The following NKAIN2 variants were observed in gnomAD, a reference collection of about 807,000 sequenced individuals.
NKAIN2 encodes the protein sodium/potassium-transporting ATPase subunit beta-1-interacting protein 2.
In NKAIN2, 14 loss-of-function variants were observed where a neutral mutation model predicts 32.6. That is an observed-to-expected ratio of 0.43 (90% CI 0.28 to 0.67). The LOEUF is 0.67. Among genes scored for constraint, NKAIN2 ranks in the 30% least tolerant of loss-of-function variants. NKAIN2 has a pLI of 0.17. For synonymous variants in NKAIN2, 80 were observed against 87.2 expected (o/e 0.92, Z 0.46); for missense variants, 198 against 258.3 (o/e 0.77, Z 1.60).
chr6:124,493,543 A>G (rs1265565693), intron 3 of NKAIN2, among the ~76,000 whole-genome samples: 1 of 151,892 alleles, frequency 6.6e-6, no homozygotes, highest in East Asian at 1.9e-4. Context: ...CATTACATGA[A>G]CTAATTTCTA....
chr6:124,540,533 C>T (rs889405072), intron 3 of NKAIN2, among the ~76,000 whole-genome samples: 1 of 152,164 alleles, frequency 6.6e-6, no homozygotes, highest in African/African-American at 2.4e-5. Context: ...TGTGGTGAAA[C>T]AAACCTAGGT....
chr6:124,532,147 G>A (rs528551019), intron 3 of NKAIN2, among the ~76,000 whole-genome samples: 20 of 152,274 alleles, frequency 1.3e-4, no homozygotes, highest in Non-Finnish European at 1.9e-4. Flanking sequence ...TTTATTGCTG[G>A]AACAAGCCGT....
chr6:123,845,225 T>A lies in NKAIN2; in HGVS notation c.54+40971T>A, dbSNP rs140660305. 2.9e-3 allele frequency among the ~76,000 whole-genome samples: 447 copies of A among 152,350 alleles called. 2 individuals carry two copies. Among genetic ancestry groups the A allele is most frequent in the African/African-American group, 9.9e-3 (412 of 41,590 alleles). ...AGTACAAATACTATAAAATGTGATATCTTCTATGGCAAAGAACAGTTTAAT... is the reference window on the plus strand; with the variant it reads ...AGTACAAATACTATAAAATGTGATAACTTCTATGGCAAAGAACAGTTTAAT... On this transcript the variant is annotated intron_variant, in intron 1 of 6. Coordinates refer to ENST00000368417, the MANE Select transcript of NKAIN2 (RefSeq NM_001040214.3).
intron 1 of NKAIN2, among the ~76,000 whole-genome samples, chr6:124,250,890 T>C (rs1315334736): frequency 6.6e-6 from 1 of 151,992 alleles, no homozygotes; most frequent in African/African-American, 2.4e-5. Flanking sequence ...GAAGAGATGG[T>C]CAGAGGTGTT....
At chr6:124,280,881 A>G (rs57157510) in intron 1 of NKAIN2, among the ~76,000 whole-genome samples, 4,655 of 152,290 alleles carry the variant, frequency 0.031, 237 homozygotes, top group African/African-American at 0.11. Flanking sequence ...CAAAAAGGGG[A>G]AAAAGGCAGA....
chr6:124,221,412 G>A (rs1399175892), intron 1 of NKAIN2, among the ~76,000 whole-genome samples: 4 of 122,586 alleles, frequency 3.3e-5, no homozygotes, highest in Non-Finnish European at 5.1e-5. Context: ...GTTGTGGGGT[G>A]AGGGGAGGGG....
At chr6:124,779,730 T>C (rs1779173253) in intron 4 of NKAIN2, among the ~76,000 whole-genome samples, 1 of 152,168 alleles carries the variant, frequency 6.6e-6, no homozygotes, top group East Asian at 1.9e-4. Flanking sequence ...GTCCATTTAT[T>C]TGACTTCATC....
intron 3 of NKAIN2, among the ~76,000 whole-genome samples, chr6:124,541,078 A>C (rs1348894117): frequency 6.6e-6 from 1 of 152,176 alleles, no homozygotes; most frequent in Non-Finnish European, 1.5e-5. Flanking sequence ...TACTCAGTAA[A>C]TGTTACACAG....
At chr6:124,090,617 A>C (rs183791908) in intron 1 of NKAIN2, among the ~76,000 whole-genome samples, 81 of 152,160 alleles carry the variant, frequency 5.3e-4, no homozygotes, top group African/African-American at 1.8e-3. Context: ...TATATTCAGA[A>C]AGACACTTAA....
At chr6:123,972,101 A>G (rs1444476225) in intron 1 of NKAIN2, among the ~76,000 whole-genome samples, 1 of 152,196 alleles carries the variant, frequency 6.6e-6, no homozygotes, top group African/African-American at 2.4e-5. Flanking sequence ...TCTCTTTCTT[A>G]TGCTTCTCTT....
Position 123,964,382 on chromosome 6 carries a change from C to T in NKAIN2, c.54+160128C>T, listed in dbSNP as rs997940847. On this transcript the variant is annotated intron_variant, in intron 1 of 6. Coordinates refer to ENST00000368417, the MANE Select transcript of NKAIN2 (RefSeq NM_001040214.3). The surrounding 1 kb of genome is among the most constrained non-coding windows in gnomAD (Gnocchi z 4.0). ...TTAGTATCAATTGCCAGTGTCAGCA[C>T]GTTGAATTGCTTTATAAGGCTGTAT... 9.9e-5 allele frequency among the ~76,000 whole-genome samples: 15 copies of T among 152,214 alleles called. No homozygotes were observed. The highest frequency in any genetic ancestry group is 3.1e-4 in the African/African-American group (13 of 41,554).
chr6:123,952,126 G>C (rs1777356489), intron 1 of NKAIN2, among the ~76,000 whole-genome samples: 2 of 151,962 alleles, frequency 1.3e-5, no homozygotes, highest in Admixed American at 1.3e-4. Context: ...GTCTGGGATA[G>C]ACTATATTTC....
At chr6:124,807,259 T>G (rs1780616836) in intron 5 of NKAIN2, among the ~76,000 whole-genome samples, 2 of 152,148 alleles carry the variant, frequency 1.3e-5, no homozygotes, top group East Asian at 1.9e-4. Flanking sequence ...CCTCAGCACA[T>G]GTAAAAGAAC....
intron 2 of NKAIN2, among the ~76,000 whole-genome samples, chr6:124,310,554 A>G (rs1274136935): frequency 1.3e-5 from 2 of 152,260 alleles, no homozygotes; most frequent in East Asian, 1.9e-4. Flanking sequence ...GATGAACTAA[A>G]AAATATTACT....
At chr6:124,321,169 T>C (rs1797170352) in intron 2 of NKAIN2, among the ~76,000 whole-genome samples, 1 of 152,350 alleles carries the variant, frequency 6.6e-6, no homozygotes, top group South Asian at 2.1e-4. Flanking sequence ...GCCTTCCTTT[T>C]AGCACCTTTG....
intron 4 of NKAIN2, among the ~76,000 whole-genome samples, chr6:124,762,802 C>T (rs917288866): frequency 1.3e-5 from 2 of 152,090 alleles, no homozygotes; most frequent in African/African-American, 4.8e-5. Flanking sequence ...TGTTGACTAT[C>T]GGAGAGCGTT....
At chr6:123,932,110 A>C (rs1449759522) in intron 1 of NKAIN2, among the ~76,000 whole-genome samples, 3 of 152,176 alleles carry the variant, frequency 2.0e-5, no homozygotes, top group Non-Finnish European at 4.4e-5. Context: ...AGCTCTCTGC[A>C]TAAGTTTGGC....
chr6:124,698,970 T>C (rs1774633288), intron 4 of NKAIN2, among the ~76,000 whole-genome samples: 1 of 152,216 alleles, frequency 6.6e-6, no homozygotes, highest in African/African-American at 2.4e-5. Context: ...GGCCTAGCAA[T>C]TCCACTCATT....
chr6:123,842,951 C>G (rs916711782), intron 1 of NKAIN2, among the ~76,000 whole-genome samples: 15 of 152,122 alleles, frequency 9.9e-5, no homozygotes, highest in African/African-American at 3.6e-4. Context: ...CTGATTTACT[C>G]AGCCACTCAA....
Sources: gnomAD v4.1 joint callset for allele counts (sites outside exome capture counted in the v4.1 genomes callset) on GRCh38, gnomAD v4.1.1 for gene constraint, Gnocchi (gnomAD v3.1) non-coding constraint, MANE v1.5 for transcripts, NCBI Gene and HGNC (gene_info 2026-07-23, HGNC 2026-07-21) for gene names.